Variants in CTNNA3 observed in about 807,000 individuals in gnomAD.
The protein encoded by CTNNA3 is catenin alpha-3.
Under a neutral mutation model 95.7 loss-of-function variants are expected in CTNNA3, and 76 were observed. That is an observed-to-expected ratio of 0.79 (90% CI 0.66 to 0.96). CTNNA3 has a LOEUF of 0.96. CTNNA3 is among the 40% of genes least tolerant of loss of function. CTNNA3 has a pLI of 0.00. For synonymous variants in CTNNA3, 431 were observed against 374.4 expected (o/e 1.15, Z -1.74); for missense variants, 1,191 against 1,089.8 (o/e 1.09, Z -1.31).
chr10:67,545,352 T>C (rs1052044935), intron 3 of CTNNA3, among the ~76,000 whole-genome samples: 17 of 152,110 alleles, frequency 1.1e-4, no homozygotes, highest in African/African-American at 3.4e-4. Flanking sequence ...TCCTTTCCGG[T>C]ATGTAAAATA....
intron 5 of CTNNA3, among the ~76,000 whole-genome samples, chr10:67,230,076 A>C (rs931103641): frequency 6.6e-6 from 1 of 152,208 alleles, no homozygotes; most frequent in African/African-American, 2.4e-5. Context: ...AAACTATACT[A>C]TAAGGCCATA....
chr10:66,018,855 G>GA (rs956962586), intron 15 of CTNNA3, among the ~76,000 whole-genome samples: 1 of 151,136 alleles, frequency 6.6e-6, no homozygotes, highest in African/African-American at 2.4e-5. Context: ...ATCTTTGAAG[G>GA]AAAAAAAATA....
Position 66,280,621 on chromosome 10 carries a change from A to C in CTNNA3, c.1733T>G (p.Val578Gly), listed in dbSNP as rs763834998. 6.2e-7 allele frequency: 1 copy of C among 1,602,646 alleles called. No individual in the cohort carries two copies. Among genetic ancestry groups the C allele is most frequent in the South Asian group, 1.1e-5 (1 of 89,956 alleles). The change falls in exon 13 of 18, where the codon GTA (valine) becomes GGA (glycine). Residue 578 changes from valine (V) to glycine (G), a missense_variant and splice_region_variant. Coordinates refer to ENST00000433211, the MANE Select transcript of CTNNA3 (RefSeq NM_013266.4). ...CACTTGTGTTACAAATTCAGGAATT[A>C]CTGTTAAAATAAAGAATAAGGAGAA... ...MRNVNFLTST[V>G]IPEFVTQVNV... is the part of the protein sequence containing the mutation.
intron 9 of CTNNA3, among the ~76,000 whole-genome samples, chr10:66,745,339 T>C (rs1838817874): frequency 1.3e-5 from 2 of 152,252 alleles, no homozygotes; most frequent in Admixed American, 6.5e-5. Context: ...AACAGTAAAC[T>C]TGGTAAAAAT....
rs115944746 is a variant in CTNNA3, at chr10:66,515,531, A to G, written c.1531+5086T>C. Among the ~76,000 whole-genome samples, 547 of 152,198 alleles carry G rather than the reference A, an allele frequency of 3.6e-3. 7 individuals are homozygous for G. Among genetic ancestry groups the G allele is most frequent in the African/African-American group, 0.013 (534 of 41,510 alleles). ...GAAGTCTCTGAATACAAAACAACAT[A>G]TCACTCTAAAAGATCATTGTATTAG... On this transcript the variant is annotated intron_variant, in intron 11 of 17. Coordinates refer to ENST00000433211, the MANE Select transcript of CTNNA3 (RefSeq NM_013266.4).
chr10:66,146,767 G>A (rs1280280657), intron 13 of CTNNA3, among the ~76,000 whole-genome samples: 1 of 151,956 alleles, frequency 6.6e-6, no homozygotes, highest in Non-Finnish European at 1.5e-5. Flanking sequence ...ATGATGCTCA[G>A]GCCAGTCTCA....
At chr10:67,546,183 G>A (rs1840838514) in intron 3 of CTNNA3, among the ~76,000 whole-genome samples, 1 of 151,964 alleles carries the variant, frequency 6.6e-6, no homozygotes, top group South Asian at 2.1e-4. Flanking sequence ...ACCTAGGCTG[G>A]AGTACAGGGG....
At chr10:66,954,343 G>A (rs541670082) in intron 7 of CTNNA3, among the ~76,000 whole-genome samples, 1 of 152,064 alleles carries the variant, frequency 6.6e-6, no homozygotes. Flanking sequence ...AAAAATCAAG[G>A]TTGCTGCTTC....
chr10:66,047,800 AC>A (rs1325989450), intron 15 of CTNNA3, among the ~76,000 whole-genome samples: 3 of 152,206 alleles, frequency 2.0e-5, no homozygotes, highest in African/African-American at 7.2e-5. Flanking sequence ...AAATCAATGT[AC>A]AAAAATCGCT....
At chr10:66,527,833 AATC>A (rs1184795165) in intron 10 of CTNNA3, among the ~76,000 whole-genome samples, 2 of 152,112 alleles carry the variant, frequency 1.3e-5, no homozygotes, top group African/African-American at 4.8e-5. Context: ...GTGTGTGTAT[AATC>A]TTCAGGATTT....
intron 5 of CTNNA3, among the ~76,000 whole-genome samples, chr10:67,391,395 G>A (rs1844476937): frequency 6.6e-6 from 1 of 151,798 alleles, no homozygotes; most frequent in Admixed American, 6.6e-5. Context: ...ACTGCTCAAG[G>A]AAATAAAAGA....
At chr10:67,347,512 G>A (rs910699827) in intron 5 of CTNNA3, among the ~76,000 whole-genome samples, 5 of 152,100 alleles carry the variant, frequency 3.3e-5, no homozygotes, top group African/African-American at 4.8e-5. Context: ...ACTCTGTGCC[G>A]TGTACTACTA....
chr10:66,292,152 AT>A (rs1464844737), intron 12 of CTNNA3, among the ~76,000 whole-genome samples: 1 of 151,890 alleles, frequency 6.6e-6, no homozygotes, highest in Non-Finnish European at 1.5e-5. Context: ...GTTTCGTATC[AT>A]CAGTTTCTCC....
chr10:66,421,688 T>C (rs1188094860), intron 11 of CTNNA3, among the ~76,000 whole-genome samples: 1 of 150,364 alleles, frequency 6.7e-6, no homozygotes, highest in Non-Finnish European at 1.5e-5. Context: ...ATACAAAAAT[T>C]AGTTGGGCTT....
intron 13 of CTNNA3, among the ~76,000 whole-genome samples, chr10:66,134,451 T>G (rs1589509545): frequency 6.6e-6 from 1 of 152,164 alleles, no homozygotes; most frequent in African/African-American, 2.4e-5. Context: ...ATTACATGGT[T>G]TACTATGTAG....
At chr10:67,079,858 AACACACACACACACACACACACAC>A (rs199928311) in intron 7 of CTNNA3, among the ~76,000 whole-genome samples, 13 of 141,362 alleles carry the variant, frequency 9.2e-5, no homozygotes, top group Non-Finnish European at 1.5e-4. Flanking sequence ...AAAAAAACAA[AACACACACACACACACACACACAC>A]ACACACACAC....
intron 13 of CTNNA3, among the ~76,000 whole-genome samples, chr10:66,119,440 T>C (rs917185122): frequency 6.6e-6 from 1 of 152,204 alleles, no homozygotes; most frequent in African/African-American, 2.4e-5. Flanking sequence ...CAAATTGTTA[T>C]AGCTTAGTGC....
rs539720457 is a variant in CTNNA3, at chr10:67,041,698, T to C, written c.1047+138619A>G. On this transcript the variant is annotated intron_variant, in intron 7 of 17. Coordinates refer to ENST00000433211, the MANE Select transcript of CTNNA3 (RefSeq NM_013266.4). ...ATTAATACATTCATCAATTCTTTCA[T>C]TCAACTCAATAAAATTGAGTTCTTA... Among the ~76,000 whole-genome samples the C allele has an allele frequency of 2.6e-5, 4 of 152,272 alleles. No individual in the cohort carries two copies. In the South Asian group the frequency reaches 8.3e-4, roughly 32 times the overall value.
At chr10:66,693,449 A>G (rs1847636596) in intron 9 of CTNNA3, among the ~76,000 whole-genome samples, 1 of 150,566 alleles carries the variant, frequency 6.6e-6, no homozygotes, top group African/African-American at 2.5e-5. Context: ...AGGAGCACCC[A>G]GATTCATAAA....
Sources: gnomAD v4.1 joint callset for allele counts (sites outside exome capture counted in the v4.1 genomes callset) on GRCh38, gnomAD v4.1.1 for gene constraint, MANE v1.5 for transcripts, NCBI Gene and HGNC (gene_info 2026-07-23, HGNC 2026-07-21) for gene names.